AGMO: variants seen among roughly 807,000 people sequenced by gnomAD.
AGMO encodes alkylglycerol monooxygenase.
A neutral mutation model predicts 60.2 loss-of-function variants in AGMO; 75 were observed. That is an observed-to-expected ratio of 1.25 (90% CI 1.03 to 1.51). AGMO has a LOEUF of 1.51. AGMO is among the 40% of genes most tolerant of loss of function. The pLI, the probability that AGMO is intolerant of heterozygous loss-of-function variation, is 0.00. For synonymous variants in AGMO, 261 were observed against 177.1 expected (o/e 1.47, Z -3.76); for missense variants, 763 against 525.5 (o/e 1.45, Z -4.42).
chr7:15,164,071 T>A, the AGMO span, among the ~76,000 whole-genome samples: 235 of 152,168 alleles, frequency 1.5e-3, no homozygotes, highest in African/African-American at 5.5e-3. Context: ...TAAAACAGAA[T>A]AGAGAACCCA....
At chr7:15,409,727 G>A (rs1181989240) in intron 5 of AGMO, among the ~76,000 whole-genome samples, 1 of 151,724 alleles carries the variant, frequency 6.6e-6, no homozygotes, top group Non-Finnish European at 1.5e-5. Flanking sequence ...TTAATACATG[G>A]TGGCTATTTA....
chr7:15,335,020 G>A (rs1010307738), intron 12 of AGMO, among the ~76,000 whole-genome samples: 4 of 152,118 alleles, frequency 2.6e-5, no homozygotes, highest in Admixed American at 1.3e-4. Context: ...GCTTTATGTT[G>A]TAAATTTAAA....
At chr7:15,471,934 T>C (rs1297172352) in intron 3 of AGMO, among the ~76,000 whole-genome samples, 1 of 151,876 alleles carries the variant, frequency 6.6e-6, no homozygotes, top group Non-Finnish European at 1.5e-5. Context: ...ATAGGCTGAT[T>C]AGCAAGGTGA....
At chr7:15,547,722 G>T (rs544187200) in intron 2 of AGMO, among the ~76,000 whole-genome samples, 2 of 151,620 alleles carry the variant, frequency 1.3e-5, no homozygotes, top group African/African-American at 4.9e-5. Context: ...ACTGCAAGGC[G>T]GCAGCGAGGC....
At chr7:15,419,729 G>A (rs1031444820) in intron 4 of AGMO, among the ~76,000 whole-genome samples, 2 of 151,848 alleles carry the variant, frequency 1.3e-5, no homozygotes, top group East Asian at 3.9e-4. Context: ...AGTGAGAAAA[G>A]AATACTGGGC....
At chr7:15,310,286 T>TA in intron 12 of AGMO, among the ~76,000 whole-genome samples, 1 of 152,206 alleles carries the variant, frequency 6.6e-6, no homozygotes, top group Non-Finnish European at 1.5e-5. Context: ...TTTTATTTGC[T>TA]AAAAATATCA....
At chr7:15,279,000 C>A (rs1486997445) in intron 12 of AGMO, among the ~76,000 whole-genome samples, 1 of 152,126 alleles carries the variant, frequency 6.6e-6, no homozygotes, top group East Asian at 1.9e-4. Context: ...CTTTGAGTCA[C>A]ATGAAAGTGC....
Position 15,358,007 on chromosome 7 carries a change from A to G in AGMO, c.1263+7507T>C, listed in dbSNP as rs78185362. Among the ~76,000 whole-genome samples, 757 of 152,340 alleles carry G rather than the reference A, an allele frequency of 5.0e-3. 10 individuals are homozygous for G. The highest frequency in any genetic ancestry group is 0.017 in the African/African-American group (710 of 41,574). ...AAGACAGGAAAAGGAAGAACCCATG[A>G]AAGTATGAAGTTTGCTAAGAACTGT... On this transcript the variant is annotated intron_variant, in intron 12 of 12. Transcript: ENST00000342526.
chr7:15,484,732 T>C (rs1053678816), intron 3 of AGMO, among the ~76,000 whole-genome samples: 1 of 152,152 alleles, frequency 6.6e-6, no homozygotes, highest in Non-Finnish European at 1.5e-5. Flanking sequence ...GAACATGCTT[T>C]GATAAAGGGG....
intron 12 of AGMO, among the ~76,000 whole-genome samples, chr7:15,344,496 T>C (rs919172645): frequency 2.0e-5 from 3 of 152,002 alleles, no homozygotes; most frequent in African/African-American, 7.3e-5. Context: ...GATCAGGAGT[T>C]CAAGATAAGC....
At chr7:15,274,897 G>A (rs1024028487) in intron 12 of AGMO, among the ~76,000 whole-genome samples, 2 of 151,408 alleles carry the variant, frequency 1.3e-5, no homozygotes, top group African/African-American at 2.4e-5. Context: ...CAGTTGTAAT[G>A]TCACCTTTAT....
chr7:15,231,692 G>A (rs1362253710), intron 12 of AGMO, among the ~76,000 whole-genome samples: 14 of 152,098 alleles, frequency 9.2e-5, no homozygotes, highest in Admixed American at 9.2e-4. Context: ...AGATCTTCTA[G>A]GCATTACTAA....
chr7:15,558,074 CT>C (rs1785198883), intron 2 of AGMO, among the ~76,000 whole-genome samples: 1 of 150,772 alleles, frequency 6.6e-6, no homozygotes, highest in Non-Finnish European at 1.5e-5. Flanking sequence ...AAAAATATCT[CT>C]TTTATTCTTG....
chr7:15,378,724 A>AG (rs2128570415), intron 10 of AGMO, among the ~76,000 whole-genome samples: 1 of 145,726 alleles, frequency 6.9e-6, no homozygotes, highest in Non-Finnish European at 1.5e-5. Flanking sequence ...CTCCACCCAG[A>AG]GTTCTGGGTG....
intron 3 of AGMO, among the ~76,000 whole-genome samples, chr7:15,473,479 C>T (rs1211195206): frequency 1.3e-5 from 2 of 151,648 alleles, no homozygotes; most frequent in African/African-American, 4.8e-5. Context: ...CCCTGCTGAA[C>T]ATCAATGTGA....
chr7:15,172,495 G>A, the AGMO span, among the ~76,000 whole-genome samples: 2 of 152,084 alleles, frequency 1.3e-5, no homozygotes, highest in Non-Finnish European at 2.9e-5. Flanking sequence ...TGCCTAGATT[G>A]ACTAAAGCAT....
chr7:15,227,214 T>A (rs958077132), intron 12 of AGMO, among the ~76,000 whole-genome samples: 8 of 152,050 alleles, frequency 5.3e-5, no homozygotes, highest in Non-Finnish European at 1.0e-4. Context: ...TAAGAGTATA[T>A]TCTCAGTAAC....
At position 15,220,208 on chromosome 7, in the gene AGMO, C is replaced by CTTT. The variant is rs904364065; in HGVS notation, c.1264-18852_1264-18850dup. On this transcript the variant is annotated intron_variant, in intron 12 of 12. Transcript: ENST00000342526. ...ATCTTATGTGTCCACCTGACTGTGC[C>CTTT]TTTTTTTTTTTTTTTTTTTTTTTCC... is the stretch of plus-strand genomic sequence containing the variant. Among the ~76,000 whole-genome samples, 38 of 109,502 alleles carry CTTT rather than the reference C, an allele frequency of 3.5e-4. 1 individual carries two copies. The highest frequency in any genetic ancestry group is 1.2e-3 in the African/African-American group (29 of 23,998). The allele number at this position is 109,502 out of a possible 152,430, so 71.8% of individuals were successfully genotyped here. A position where few individuals can be genotyped will look rare whatever the true frequency, so the allele number is the denominator to read the frequency against.
At chr7:15,367,975 C>A (rs1327928478) in intron 10 of AGMO, among the ~76,000 whole-genome samples, 1 of 152,072 alleles carries the variant, frequency 6.6e-6, no homozygotes, top group African/African-American at 2.4e-5. Context: ...ACATGCAGTA[C>A]TGTAGCTTCA....
Sources: allele counts gnomAD v4.1 joint callset (sites outside exome capture counted in the v4.1 genomes callset), GRCh38; gene constraint gnomAD v4.1.1; transcripts MANE v1.5; gene names NCBI Gene and HGNC (gene_info 2026-07-23, HGNC 2026-07-21).